AK5: variants seen among roughly 807,000 people sequenced by gnomAD.
AK5 encodes the protein adenylate kinase isoenzyme 5.
In AK5, 27 loss-of-function variants were observed where a neutral mutation model predicts 69.5. That is an observed-to-expected ratio of 0.39 (90% CI 0.29 to 0.54). The LOEUF is 0.54. AK5 is among the 20% of genes least tolerant of loss of function. The probability of loss-of-function intolerance (pLI) is 0.71; values close to 1 mark genes in which losing one functional copy is unlikely to be tolerated. For missense variants in AK5, 531 were observed against 700.4 expected (o/e 0.76, Z 2.73); for synonymous variants, 260 against 244.4 (o/e 1.06, Z -0.60).
chr1:77,343,453 A>C (rs1464551571), intron 6 of AK5, among the ~76,000 whole-genome samples: 1 of 152,136 alleles, frequency 6.6e-6, no homozygotes, highest in Non-Finnish European at 1.5e-5. Flanking sequence ...TCTAAATTGG[A>C]GACAGTGTTA....
intron 6 of AK5, among the ~76,000 whole-genome samples, chr1:77,404,072 A>G (rs1297118566): frequency 1.3e-5 from 2 of 152,166 alleles, no homozygotes; most frequent in Admixed American, 6.5e-5. Flanking sequence ...TGTGAATGGG[A>G]GTTCACTCAT....
intron 13 of AK5, chr1:77,557,464 C>T (rs1041589429): frequency 1.3e-5 from 2 of 154,408 alleles, no homozygotes; most frequent in Admixed American, 6.5e-5. Context: ...GTAGATGATA[C>T]AGGTGTAATG....
At chr1:77,535,494 G>A (rs185553678) in intron 12 of AK5, among the ~76,000 whole-genome samples, 139 of 152,262 alleles carry the variant, frequency 9.1e-4, no homozygotes, top group African/African-American at 3.0e-3. Context: ...TGTGCCTCAG[G>A]TGGTCAGGAA....
chr1:77,483,696 C>T (rs113720880), intron 9 of AK5, among the ~76,000 whole-genome samples: 6,106 of 152,298 alleles, frequency 0.04, 175 homozygotes, highest in South Asian at 0.093. Context: ...GCATCCAAAG[C>T]TCCCACAAGT....
intron 8 of AK5, among the ~76,000 whole-genome samples, chr1:77,470,178 G>A (rs537151032): frequency 1.2e-4 from 18 of 152,258 alleles, no homozygotes; most frequent in African/African-American, 1.4e-4. Flanking sequence ...CTACAAAAGC[G>A]TCTGTTGCAC....
At chr1:77,429,503 A>G (rs1651449503) in intron 8 of AK5, among the ~76,000 whole-genome samples, 1 of 152,180 alleles carries the variant, frequency 6.6e-6, no homozygotes. Flanking sequence ...CTGGGGATAC[A>G]TTGGTGGGCA....
chr1:77,368,743 T>C (rs577070555), intron 6 of AK5, among the ~76,000 whole-genome samples: 22 of 152,248 alleles, frequency 1.4e-4, no homozygotes, highest in Admixed American at 1.4e-3. Context: ...ATGTCAAGTG[T>C]GGAATTTTCC....
At chr1:77,507,615 G>T (rs917189958) in intron 10 of AK5, among the ~76,000 whole-genome samples, 5 of 152,160 alleles carry the variant, frequency 3.3e-5, no homozygotes, top group Non-Finnish European at 5.9e-5. Flanking sequence ...CCTCTCATCT[G>T]CAAGAGAGAG....
chr1:77,285,330 T>C (rs1260799909), intron 1 of AK5, among the ~76,000 whole-genome samples: 1 of 152,000 alleles, frequency 6.6e-6, no homozygotes, highest in East Asian at 1.9e-4. Context: ...ACAAACTGAA[T>C]TGGATGCCCG....
intron 10 of AK5, among the ~76,000 whole-genome samples, chr1:77,516,052 G>C (rs1156961491): frequency 1.3e-5 from 2 of 152,020 alleles, no homozygotes; most frequent in Non-Finnish European, 2.9e-5. Flanking sequence ...CCTGGGGACA[G>C]AGCAAGACCC....
chr1:77,399,032 C>G (rs1213089538), intron 6 of AK5, among the ~76,000 whole-genome samples: 1 of 152,158 alleles, frequency 6.6e-6, no homozygotes, highest in African/African-American at 2.4e-5. Context: ...TAGTCAGTAT[C>G]ATCTTAATGA....
intron 8 of AK5, among the ~76,000 whole-genome samples, chr1:77,472,789 CAA>C (rs1654603468): frequency 6.6e-6 from 1 of 151,530 alleles, no homozygotes. Flanking sequence ...ACTGATGAGG[CAA>C]TTCTTCTGGA....
intron 5 of AK5, among the ~76,000 whole-genome samples, chr1:77,325,756 A>G (rs1343501083): frequency 6.6e-6 from 1 of 151,352 alleles, no homozygotes; most frequent in Non-Finnish European, 1.5e-5. Context: ...CCCATTTTGC[A>G]TCTCTTTCAT....
intron 6 of AK5, among the ~76,000 whole-genome samples, chr1:77,399,413 G>T (rs910411812): frequency 6.6e-6 from 1 of 152,072 alleles, no homozygotes; most frequent in African/African-American, 2.4e-5. Context: ...CCTTCTTATT[G>T]TTAGTGGTCT....
intron 8 of AK5, among the ~76,000 whole-genome samples, chr1:77,445,545 A>G (rs894680391): frequency 1.3e-5 from 2 of 152,124 alleles, no homozygotes; most frequent in African/African-American, 4.8e-5. Context: ...TATCTGACAT[A>G]TGGTTTGCAA....
chr1:77,468,566 T>C (rs187044405), intron 8 of AK5, among the ~76,000 whole-genome samples: 1 of 152,374 alleles, frequency 6.6e-6, no homozygotes, highest in Non-Finnish European at 1.5e-5. Context: ...TTAACTCTCA[T>C]GCTTGCTTTT....
chr1:77,378,086 G>A (rs1647363176), intron 6 of AK5, among the ~76,000 whole-genome samples: 1 of 152,022 alleles, frequency 6.6e-6, no homozygotes, highest in Non-Finnish European at 1.5e-5. Flanking sequence ...CATCATAAAA[G>A]CCACTCTTTA....
intron 5 of AK5, among the ~76,000 whole-genome samples, chr1:77,326,913 T>C (rs1660833978): frequency 6.6e-6 from 1 of 152,226 alleles, no homozygotes; most frequent in Admixed American, 6.5e-5. Flanking sequence ...CCACATGATC[T>C]TTAAGGATTC....
chr1:77,482,947 T>C (rs1557625627), intron 8 of AK5, among the ~76,000 whole-genome samples: 1 of 133,896 alleles, frequency 7.5e-6, no homozygotes, highest in South Asian at 2.4e-4. Flanking sequence ...AAGGATTTTG[T>C]CTTCTTGAAG....
Sources: gnomAD v4.1 joint callset for allele counts (sites outside exome capture counted in the v4.1 genomes callset) on GRCh38, gnomAD v4.1.1 for gene constraint, MANE v1.5 for transcripts, NCBI Gene and HGNC (gene_info 2026-07-23, HGNC 2026-07-21) for gene names.